The following UBR3 variants were observed in gnomAD, a reference collection of about 807,000 sequenced individuals.
The protein encoded by UBR3 is E3 ubiquitin-protein ligase UBR3.
UBR3 carries 85 observed loss-of-function variants against 243.2 expected under a neutral mutation model. That is an observed-to-expected ratio of 0.35 (90% confidence interval 0.29 to 0.42). The LOEUF (loss-of-function observed/expected upper bound fraction) is 0.42, where lower values mean the gene tolerates loss of function less well. Among genes scored for constraint, UBR3 ranks in the 10% least tolerant of loss-of-function variants. The pLI, the probability that UBR3 is intolerant of heterozygous loss-of-function variation, is 1.00. For synonymous variants in UBR3, 748 were observed against 799.8 expected, an observed-to-expected ratio of 0.94 and a Z score of 1.09; for missense variants, 1,686 against 2,300.8, an observed-to-expected ratio of 0.73 and a Z score of 5.47.
chr2:169,872,144 C>A, intron 1 of UBR3, 92 bp from the exon 2 acceptor site: 1 of 890,196 alleles, frequency 1.1e-6, no homozygotes, highest in Non-Finnish European at 1.6e-6. Context: ...GATTTATTGG[C>A]CTATATTCCA....
Position 169,959,810 on chromosome 2 carries a change from G to T in UBR3, c.3634+1284G>T, listed in dbSNP as rs78304102. ...AGAGGCCATTGTTACAGGTCTGAAA[G>T]ACCAAAGGCCAATTTATCCATTTCT... On this transcript the variant is annotated intron_variant, in intron 24 of 38. Coordinates refer to ENST00000272793, the MANE Select transcript of UBR3 (RefSeq NM_172070.4). Among the ~76,000 whole-genome samples the T allele has an allele frequency of 8.5e-3, 1,290 of 152,238 alleles. 23 individuals carry two copies. The highest frequency in any genetic ancestry group is 0.029 in the African/African-American group (1,204 of 41,552).
At chr2:169,985,306 G>A (rs2088952883) in intron 24 of UBR3, among the ~76,000 whole-genome samples, 1 of 145,558 alleles carries the variant, frequency 6.9e-6, no homozygotes, top group Non-Finnish European at 1.5e-5. Flanking sequence ...TCGGCTAACT[G>A]CAACCTCTGC....
intron 25 of UBR3, among the ~76,000 whole-genome samples, chr2:169,993,007 C>T (rs2105393337): frequency 6.6e-6 from 1 of 152,244 alleles, no homozygotes; most frequent in South Asian, 2.1e-4. Context: ...GTAGTCTGTC[C>T]ACCTTGGCCT....
chr2:169,852,438 C>T (rs2082687881), intron 1 of UBR3, among the ~76,000 whole-genome samples: 2 of 152,218 alleles, frequency 1.3e-5, no homozygotes, highest in Non-Finnish European at 2.9e-5. Context: ...GAACATACCA[C>T]ACTAATTTAT....
chr2:170,046,582 G>A (rs886889048), intron 32 of UBR3, among the ~76,000 whole-genome samples: 19 of 152,126 alleles, frequency 1.2e-4, no homozygotes, highest in Non-Finnish European at 2.4e-4. Flanking sequence ...CATGGATAAT[G>A]TTAAATACTT....
chr2:169,968,697 T>A (rs1391121923), intron 24 of UBR3, among the ~76,000 whole-genome samples: 5 of 152,212 alleles, frequency 3.3e-5, no homozygotes, highest in Non-Finnish European at 5.9e-5. Context: ...TTCTTTTGAA[T>A]ATATACCCAG....
chr2:169,857,077 T>G (rs1353965470), intron 1 of UBR3, among the ~76,000 whole-genome samples: 3 of 126,092 alleles, frequency 2.4e-5, no homozygotes, highest in Non-Finnish European at 5.0e-5. Context: ...TTTTTTTTTT[T>G]TTTTTTTTTT....
intron 3 of UBR3, among the ~76,000 whole-genome samples, chr2:169,876,580 C>T (rs1373001592): frequency 3.5e-5 from 3 of 85,182 alleles, no homozygotes; most frequent in South Asian, 3.2e-4. Context: ...TTTTTTGAGA[C>T]AGAGTCTTGC....
chr2:169,892,169 A>G (rs2084401282), intron 6 of UBR3, among the ~76,000 whole-genome samples: 1 of 152,198 alleles, frequency 6.6e-6, no homozygotes, highest in Admixed American at 6.5e-5. Flanking sequence ...TTGCTAGGAA[A>G]GGGTATGGAA....
intron 8 of UBR3, among the ~76,000 whole-genome samples, chr2:169,898,967 C>G (rs1312784970): frequency 2.0e-5 from 3 of 151,960 alleles, no homozygotes; most frequent in African/African-American, 7.3e-5. Context: ...TCCCAAAGTG[C>G]TGGGATTACA....
rs537639843 is a variant in UBR3 at position 169,829,955 on chromosome 2, C to G, written c.545+1903C>G. Among the ~76,000 whole-genome samples, 5 of 152,014 alleles carry G rather than the reference C, an allele frequency of 3.3e-5. No homozygotes were observed. In the South Asian group the frequency reaches 6.2e-4, roughly 19 times the overall value. On this transcript the variant is annotated intron_variant, in intron 1 of 38. Coordinates refer to ENST00000272793, the MANE Select transcript of UBR3 (RefSeq NM_172070.4). Reference sequence around the variant, plus strand: ...AAGATGTTTCCTAGTTTTTCAGTCTCTTTTTATGCAAAGGGTTACATACTT... The same window carrying G: ...AAGATGTTTCCTAGTTTTTCAGTCTGTTTTTATGCAAAGGGTTACATACTT...
chr2:170,058,293 A>G (rs1226711409), intron 33 of UBR3, among the ~76,000 whole-genome samples: 1 of 151,960 alleles, frequency 6.6e-6, no homozygotes, highest in Non-Finnish European at 1.5e-5. Context: ...GCCAGATCTC[A>G]TCTGGCCTAT....
chr2:170,030,668 A>G (rs975064082), intron 31 of UBR3, among the ~76,000 whole-genome samples: 9 of 152,152 alleles, frequency 5.9e-5, no homozygotes, highest in African/African-American at 2.2e-4. Flanking sequence ...CTAGGGATGT[A>G]TAGTCAAAAA....
intron 30 of UBR3, among the ~76,000 whole-genome samples, chr2:170,021,624 T>C (rs1009310394): frequency 6.6e-6 from 1 of 152,180 alleles, no homozygotes; most frequent in African/African-American, 2.4e-5. Context: ...ATTCAGTCCA[T>C]TGCAGTTTTT....
chr2:169,912,693 A>G (rs1477976454), intron 10 of UBR3, among the ~76,000 whole-genome samples: 3 of 152,136 alleles, frequency 2.0e-5, no homozygotes, highest in African/African-American at 4.8e-5. Flanking sequence ...GTGTGAACAT[A>G]TATTTTCAAT....
At chr2:169,879,908 A>T (rs530437523) in intron 5 of UBR3, among the ~76,000 whole-genome samples, 1 of 152,344 alleles carries the variant, frequency 6.6e-6, no homozygotes, top group South Asian at 2.1e-4. Flanking sequence ...ACATATAAAC[A>T]TTATTATTTT....
At chr2:170,061,559 C>A (rs1210663250) in intron 35 of UBR3, 116 bp downstream of exon 35, 12 of 1,305,436 alleles carry the variant, frequency 9.2e-6, no homozygotes, top group Non-Finnish European at 1.3e-5. Context: ...CCTCCGCCTG[C>A]CAGGTTCAAG....
At chr2:170,041,092 C>A in intron 32 of UBR3, 107 bp downstream of exon 32, 1 of 1,109,946 alleles carries the variant, frequency 9.0e-7, no homozygotes, top group Non-Finnish European at 1.3e-6. Flanking sequence ...CTTGTAATCC[C>A]CGCACTTTAG....
chr2:169,844,627 G>A (rs925926620), intron 1 of UBR3, among the ~76,000 whole-genome samples: 1 of 151,602 alleles, frequency 6.6e-6, no homozygotes, highest in African/African-American at 2.4e-5. Flanking sequence ...CCCAGTAGCT[G>A]GAACTACAGG....
Sources: allele counts gnomAD v4.1 joint callset (sites outside exome capture counted in the v4.1 genomes callset), GRCh38; gene constraint gnomAD v4.1.1; transcripts MANE v1.5; gene names NCBI Gene and HGNC (gene_info 2026-07-23, HGNC 2026-07-21).